The following ADAM12 variants were observed in gnomAD, a reference collection of about 807,000 sequenced individuals.
ADAM12 encodes disintegrin and metalloproteinase domain-containing protein 12.
Under a neutral mutation model 106.4 loss-of-function variants are expected in ADAM12, and 70 were observed. The observed-to-expected ratio is 0.66, with a 90% confidence interval of 0.54 to 0.80. The LOEUF is 0.80. ADAM12 is among the 30% of genes least tolerant of loss of function. ADAM12 has a pLI of 0.00. For synonymous variants in ADAM12, 420 were observed against 433.5 expected (o/e 0.97, Z 0.39); for missense variants, 1,010 against 1,171.9 (o/e 0.86, Z 2.02).
chr10:126,187,333 A>AAAC (rs1554983520), intron 3 of ADAM12, among the ~76,000 whole-genome samples: 1 of 151,612 alleles, frequency 6.6e-6, no homozygotes, highest in African/African-American at 2.4e-5. Context: ...AAATAAAAAA[A>AAAC]AAACAAATTT....
At chr10:126,234,490 TACA>T (rs1958376280) in intron 3 of ADAM12, among the ~76,000 whole-genome samples, 1 of 152,306 alleles carries the variant, frequency 6.6e-6, no homozygotes, top group Admixed American at 6.5e-5. Context: ...ACAGATCAGT[TACA>T]ACGTTTCTAG....
chr10:126,378,832 C>T lies in ADAM12; in HGVS notation c.88+9226G>A, dbSNP rs536408986. ...CATATTTTAGAAATGAATGATGGGG[C>T]CAGATTTCTTTTTCAATCATCTTTT... is the stretch of plus-strand genomic sequence containing the variant. On this transcript the variant is annotated intron_variant, in intron 1 of 22. Coordinates refer to ENST00000448723, the MANE Select transcript of ADAM12 (RefSeq NM_001288973.2). Among the ~76,000 whole-genome samples the T allele has an allele frequency of 1.4e-4, 21 of 152,122 alleles. No individual in the cohort carries two copies. The South Asian group carries it at 3.7e-3, about 27-fold the overall frequency.
At chr10:126,240,308 G>A (rs1958497801) in intron 3 of ADAM12, among the ~76,000 whole-genome samples, 1 of 152,216 alleles carries the variant, frequency 6.6e-6, no homozygotes. Context: ...TGGCACAGGC[G>A]ATGCTCTGGG....
At position 126,066,608 on chromosome 10, in the gene ADAM12, G is replaced by T; in HGVS notation, c.1413+109C>A. ...GTGAGAAGGAGGGATGGTGCGTGCT[G>T]TGGTGAGTGCTGGGAAACCTTCCAG... On this transcript the variant is annotated intron_variant, in intron 13 of 22. Coordinates refer to ENST00000448723, the MANE Select transcript of ADAM12 (RefSeq NM_001288973.2). The surrounding 1 kb of genome is among the most constrained non-coding windows in gnomAD (Gnocchi z 5.1). 2.0e-6 allele frequency: 2 copies of T among 1,007,214 alleles called. No homozygotes were observed. The highest frequency in any genetic ancestry group is 1.4e-5 in the South Asian group (1 of 71,524). The allele number at this position is 1,007,214 out of a possible 1,614,324, so 62.4% of individuals were successfully genotyped here. A position where few individuals can be genotyped will look rare whatever the true frequency, so the allele number is the denominator to read the frequency against.
chr10:126,331,716 G>A lies in ADAM12; in HGVS notation c.89-1207C>T, dbSNP rs150473304. On this transcript the variant is annotated intron_variant, in intron 1 of 22. Transcript: ENST00000448723. The stretch of plus-strand genomic sequence containing the variant: ...GAGGGCTGAGCTGCAACCCTCGACC[G>A]CATGGGGAAGGAAGGAGGGAGGGGA... Among the ~76,000 whole-genome samples, 400 of 152,196 alleles carry A rather than the reference G, an allele frequency of 2.6e-3. 3 individuals are homozygous for A. The highest frequency in any genetic ancestry group is 9.0e-3 in the African/African-American group (374 of 41,512).
intron 1 of ADAM12, among the ~76,000 whole-genome samples, chr10:126,366,374 T>C (rs936277337): frequency 1.3e-5 from 2 of 152,140 alleles, no homozygotes; most frequent in African/African-American, 4.8e-5. Context: ...GCGTGATCCT[T>C]TCTATAACTC....
In ADAM12 at chr10:126,017,225, G is replaced by A; in HGVS notation, c.*54C>T. 4.1e-6 allele frequency: 6 copies of A among 1,464,458 alleles called. No homozygotes were observed. Among genetic ancestry groups the A allele is most frequent in the Non-Finnish European group, 5.5e-6 (6 of 1,081,726 alleles). 90.7% of individuals were successfully genotyped at this position (1,464,458 alleles called of 1,614,324 possible). On this transcript the variant is annotated 3_prime_UTR_variant, in exon 23 of 23. Transcript: ENST00000448723. ...GTTGGTACAAAAAACTCCAACTGGA[G>A]CTGAAAGATAGTGCAAACTTCTGTC...
chr10:126,143,612 T>TG (rs541458809), intron 4 of ADAM12, among the ~76,000 whole-genome samples: 4 of 148,762 alleles, frequency 2.7e-5, no homozygotes, highest in African/African-American at 5.0e-5. Flanking sequence ...TGTATGTATA[T>TG]GGGGGTGCGT....
At chr10:126,119,819 G>A (rs1182767523) in intron 5 of ADAM12, among the ~76,000 whole-genome samples, 5 of 152,178 alleles carry the variant, frequency 3.3e-5, no homozygotes, top group African/African-American at 1.2e-4. Context: ...TTGGGCTGTC[G>A]GGTTCCTTCA....
In ADAM12 at chr10:126,347,151, T is replaced by C. The variant is rs529915547; in HGVS notation, c.89-16642A>G. ...TTTACAATTTGGCATGTTTTTGCAG[T>C]GGCTGATACCGGTTGTTCCTTTCCA... is the stretch of plus-strand genomic sequence containing the variant. On this transcript the variant is annotated intron_variant, in intron 1 of 22. Transcript: ENST00000448723. Among the ~76,000 whole-genome samples, 317 of 152,348 alleles carry C rather than the reference T, an allele frequency of 2.1e-3. 5 individuals are homozygous for C. The highest frequency in any genetic ancestry group is 7.2e-3 in the African/African-American group (301 of 41,592).
At chr10:126,141,451 G>C (rs1278337) in intron 4 of ADAM12, among the ~76,000 whole-genome samples, 114,386 of 152,126 alleles carry the variant, frequency 0.75, 43,186 homozygotes, top group East Asian at 0.93. Context: ...TGCATAACCA[G>C]AAAATTACAT....
At chr10:126,225,854 G>T (rs1181069180) in intron 3 of ADAM12, among the ~76,000 whole-genome samples, 1 of 152,144 alleles carries the variant, frequency 6.6e-6, no homozygotes, top group African/African-American at 2.4e-5. Flanking sequence ...CCCTTACAAC[G>T]ATGTTACGAC....
intron 3 of ADAM12, among the ~76,000 whole-genome samples, chr10:126,253,126 C>T (rs975356626): frequency 3.9e-5 from 6 of 152,336 alleles, no homozygotes; most frequent in Admixed American, 2.0e-4. Flanking sequence ...ATGCTTAGCA[C>T]TCACTGATTT....
chr10:126,148,657 T>C (rs1956672981), intron 4 of ADAM12, among the ~76,000 whole-genome samples: 1 of 152,198 alleles, frequency 6.6e-6, no homozygotes, highest in Admixed American at 6.5e-5. Context: ...GGGGTGCCAA[T>C]TAATCTAGCT....
At chr10:126,343,424 A>C (rs1451085702) in intron 1 of ADAM12, among the ~76,000 whole-genome samples, 1 of 152,092 alleles carries the variant, frequency 6.6e-6, no homozygotes, top group Non-Finnish European at 1.5e-5. Context: ...AGTCCAGTCT[A>C]TCATTGTTGG....
chr10:126,181,812 A>T (rs1957317259), intron 3 of ADAM12, among the ~76,000 whole-genome samples: 1 of 152,240 alleles, frequency 6.6e-6, no homozygotes, highest in Admixed American at 6.5e-5. Context: ...TCAGAAGATC[A>T]GGCCTTTGGC....
chr10:126,283,062 C>A (rs973112926), intron 2 of ADAM12, among the ~76,000 whole-genome samples: 5 of 151,958 alleles, frequency 3.3e-5, no homozygotes, highest in African/African-American at 1.2e-4. Flanking sequence ...AGTGACAGAT[C>A]ATCAGGCGTT....
intron 3 of ADAM12, among the ~76,000 whole-genome samples, chr10:126,239,883 C>T (rs557779084): frequency 2.4e-3 from 368 of 152,312 alleles, no homozygotes; most frequent in African/African-American, 8.1e-3. Flanking sequence ...CAGGTGGAAT[C>T]CATATAGTAG....
At chr10:126,021,546 G>C (rs1953767648) in intron 21 of ADAM12, among the ~76,000 whole-genome samples, 1 of 152,162 alleles carries the variant, frequency 6.6e-6, no homozygotes, top group African/African-American at 2.4e-5. Flanking sequence ...CTGAACAAGG[G>C]ACAGACTTAG....
Sources: gnomAD v4.1 joint callset for allele counts (sites outside exome capture counted in the v4.1 genomes callset) on GRCh38, gnomAD v4.1.1 for gene constraint, Gnocchi (gnomAD v3.1) non-coding constraint, MANE v1.5 for transcripts, NCBI Gene and HGNC (gene_info 2026-07-23, HGNC 2026-07-21) for gene names.